L3MBTL4: variants seen among roughly 807,000 people sequenced by gnomAD.
L3MBTL4 encodes the protein lethal(3)malignant brain tumor-like protein 4.
A neutral mutation model predicts 84.5 loss-of-function variants in L3MBTL4; 70 were observed. That is an observed-to-expected ratio of 0.83 (90% CI 0.68 to 1.01). The LOEUF (loss-of-function observed/expected upper bound fraction) is 1.01, where lower values mean the gene tolerates loss of function less well. Among genes scored for constraint, L3MBTL4 ranks in the 50% least tolerant of loss-of-function variants. L3MBTL4 has a pLI of 0.00. For synonymous variants in L3MBTL4, 274 were observed against 259.8 expected (o/e 1.05, Z -0.52); for missense variants, 715 against 754.8 (o/e 0.95, Z 0.62).
chr18:6,322,838 G>A (rs1392248614), intron 1 of L3MBTL4, among the ~76,000 whole-genome samples: 1 of 152,096 alleles, frequency 6.6e-6, no homozygotes. Flanking sequence ...GCACAACAGG[G>A]TGACTTCAGT....
chr18:6,182,113 C>CCAG (rs1193734964), intron 12 of L3MBTL4, among the ~76,000 whole-genome samples: 1 of 152,206 alleles, frequency 6.6e-6, no homozygotes, highest in Non-Finnish European at 1.5e-5. Flanking sequence ...TACATTCCCA[C>CCAG]CAGCAGTGTA....
chr18:5,987,992 A>T (rs4797237), intron 16 of L3MBTL4, among the ~76,000 whole-genome samples: 29,668 of 152,208 alleles, frequency 0.19, 4,852 homozygotes, highest in African/African-American at 0.44. Context: ...TTAAGCATAA[A>T]TACATTAAAA....
intron 16 of L3MBTL4, among the ~76,000 whole-genome samples, chr18:5,991,021 C>T (rs569608418): frequency 5.2e-4 from 79 of 152,258 alleles, no homozygotes; most frequent in Non-Finnish European, 1.0e-3. Flanking sequence ...GTCCTGACCA[C>T]AGCAGGCCTC....
Position 6,160,755 on chromosome 18 carries a change from G to A in L3MBTL4, c.1096+11073C>T, listed in dbSNP as rs192881710. On this transcript the variant is annotated intron_variant, in intron 13 of 18. Coordinates refer to ENST00000317931, the MANE Select transcript of L3MBTL4 (RefSeq NM_001330559.2). Reference sequence around the variant, plus strand: ...TCAAAAAAAAAAAAAAAAAAAGCACGGAGTTAATCAGAGCAGAAAGGAAAT... The same window carrying A: ...TCAAAAAAAAAAAAAAAAAAAGCACAGAGTTAATCAGAGCAGAAAGGAAAT... Among the ~76,000 whole-genome samples the A allele has an allele frequency of 1.6e-3, 242 of 149,096 alleles. 1 individual carries two copies. Among genetic ancestry groups the A allele is most frequent in the Middle Eastern group, 0.011 (3 of 280 alleles).
In L3MBTL4 at chr18:6,228,319, A is replaced by T. The variant is rs187112464; in HGVS notation, c.784+9645T>A. 3.9e-5 allele frequency among the ~76,000 whole-genome samples: 6 copies of T among 152,326 alleles called. No individual in the cohort carries two copies. The East Asian group carries it at 1.2e-3, about 29-fold the overall frequency. On this transcript the variant is annotated intron_variant, in intron 10 of 18. Transcript: ENST00000317931. Reference sequence around the variant, plus strand: ...TAAAACTTCACTAGAATAAAAGAAAATATTGTGAACTTCTGATAGGAAAAG... The same window carrying T: ...TAAAACTTCACTAGAATAAAAGAAATTATTGTGAACTTCTGATAGGAAAAG...
At chr18:6,206,720 G>T (rs1164630216) in intron 12 of L3MBTL4, among the ~76,000 whole-genome samples, 1 of 152,118 alleles carries the variant, frequency 6.6e-6, no homozygotes, top group African/African-American at 2.4e-5. Context: ...CAAATAAAAA[G>T]AGGGTTATCA....
chr18:6,053,126 A>G (rs1029949851), intron 16 of L3MBTL4, among the ~76,000 whole-genome samples: 3 of 152,222 alleles, frequency 2.0e-5, no homozygotes, highest in Admixed American at 2.0e-4. Flanking sequence ...GCTCTTCACA[A>G]TACACTATGC....
intron 12 of L3MBTL4, among the ~76,000 whole-genome samples, chr18:6,178,648 A>G (rs911727414): frequency 1.3e-5 from 2 of 152,252 alleles, no homozygotes; most frequent in South Asian, 4.1e-4. Context: ...TGAATCAACC[A>G]CTGTCTCAAG....
At chr18:6,302,422 A>G (rs2050382523) in intron 3 of L3MBTL4, among the ~76,000 whole-genome samples, 1 of 152,216 alleles carries the variant, frequency 6.6e-6, no homozygotes, top group African/African-American at 2.4e-5. Flanking sequence ...TGGACAAGCG[A>G]CTTCAAAAAT....
chr18:6,366,416 T>G (rs939940482), intron 1 of L3MBTL4, among the ~76,000 whole-genome samples: 1 of 152,210 alleles, frequency 6.6e-6, no homozygotes, highest in Non-Finnish European at 1.5e-5. Context: ...ATGTCTATTT[T>G]AAGGCCATCT....
At chr18:6,401,910 G>A (rs368948875) in intron 1 of L3MBTL4, among the ~76,000 whole-genome samples, 59 of 152,228 alleles carry the variant, frequency 3.9e-4, no homozygotes, top group Non-Finnish European at 4.8e-4. Context: ...TCAAGGGGCC[G>A]CTGTGACCTC....
At chr18:6,026,073 T>G (rs1453988027) in intron 16 of L3MBTL4, among the ~76,000 whole-genome samples, 1 of 152,236 alleles carries the variant, frequency 6.6e-6, no homozygotes, top group Non-Finnish European at 1.5e-5. Context: ...AATTGGCAGA[T>G]TCATCATGAT....
intron 18 of L3MBTL4, among the ~76,000 whole-genome samples, chr18:5,958,158 A>ACG (rs2095243614): frequency 1.5e-5 from 1 of 67,446 alleles, no homozygotes; most frequent in African/African-American, 5.6e-5. Flanking sequence ...GAAGAAGAAG[A>ACG]ACAAGAAGAA....
At chr18:6,329,245 C>T (rs2051894801) in intron 1 of L3MBTL4, among the ~76,000 whole-genome samples, 1 of 150,940 alleles carries the variant, frequency 6.6e-6, no homozygotes, top group Middle Eastern at 3.4e-3. Flanking sequence ...GCTCCGCCTC[C>T]TGGGTTCACG....
chr18:5,983,812 T>C (rs1321992563), intron 16 of L3MBTL4, among the ~76,000 whole-genome samples: 1 of 152,174 alleles, frequency 6.6e-6, no homozygotes, highest in African/African-American at 2.4e-5. Flanking sequence ...GATTTTTCAG[T>C]CTTTCTGTAG....
chr18:6,321,690 A>C (rs979565747), intron 1 of L3MBTL4, among the ~76,000 whole-genome samples: 1 of 152,228 alleles, frequency 6.6e-6, no homozygotes, highest in African/African-American at 2.4e-5. Context: ...AATGTGGTAT[A>C]TATACACCAT....
chr18:6,092,282 G>A (rs137885579), intron 15 of L3MBTL4, among the ~76,000 whole-genome samples: 55 of 152,324 alleles, frequency 3.6e-4, no homozygotes. Flanking sequence ...AGTCCAGGAT[G>A]TAAAACCCAT....
At chr18:6,348,391 A>G (rs113556225) in intron 1 of L3MBTL4, among the ~76,000 whole-genome samples, 1,649 of 152,284 alleles carry the variant, frequency 0.011, 41 homozygotes, top group African/African-American at 0.038. Flanking sequence ...TTACAACAGC[A>G]TGACCCCAAC....
chr18:6,167,212 G>A (rs936789288), intron 13 of L3MBTL4, among the ~76,000 whole-genome samples: 1 of 152,128 alleles, frequency 6.6e-6, no homozygotes, highest in African/African-American at 2.4e-5. Context: ...AAGAGTCCAG[G>A]ACAAGATGGA....
Sources: gnomAD v4.1 joint callset for allele counts (sites outside exome capture counted in the v4.1 genomes callset) on GRCh38, gnomAD v4.1.1 for gene constraint, MANE v1.5 for transcripts, NCBI Gene and HGNC (gene_info 2026-07-23, HGNC 2026-07-21) for gene names.